The following C8orf34 variants were observed in gnomAD, a reference collection of about 807,000 sequenced individuals.
C8orf34 encodes uncharacterized protein C8orf34.
C8orf34 carries 65 observed loss-of-function variants against 68.3 expected under a neutral mutation model. The observed-to-expected ratio is 0.95, with a 90% CI of 0.78 to 1.17. The LOEUF (loss-of-function observed/expected upper bound fraction) is 1.17. Among genes scored for constraint, C8orf34 ranks in the 50% most tolerant of loss-of-function variants. The pLI is 0.00. For missense variants in C8orf34, 664 were observed against 655.4 expected, an observed-to-expected ratio of 1.01 and a Z score of -0.14; for synonymous variants, 244 against 241.2, an observed-to-expected ratio of 1.01 and a Z score of -0.11.
intron 5 of C8orf34, among the ~76,000 whole-genome samples, chr8:68,492,616 C>T (rs1252165385): frequency 6.6e-6 from 1 of 152,042 alleles, no homozygotes; most frequent in East Asian, 1.9e-4. Flanking sequence ...TCCATCCAAA[C>T]TGTATTGCAC....
At chr8:68,774,969 T>TAAAAAAAAAAAAAAAAAAAAAAAAAA (rs1823469561) in intron 10 of C8orf34, among the ~76,000 whole-genome samples, 1 of 68,964 alleles carries the variant, frequency 1.5e-5, no homozygotes, top group Admixed American at 1.2e-4. Flanking sequence ...AAAAAAAAAT[T>TAAAAAAAAAAAAAAAAAAAAAAAAAA]AGCTGGGCGG....
intron 10 of C8orf34, among the ~76,000 whole-genome samples, chr8:68,750,446 A>C (rs994164851): frequency 5.9e-5 from 9 of 152,166 alleles, no homozygotes; most frequent in Non-Finnish European, 1.2e-4. Context: ...TCTAGGGGCC[A>C]GGGAGGAAAG....
intron 1 of C8orf34, among the ~76,000 whole-genome samples, chr8:68,354,098 T>A (rs1806640322): frequency 6.6e-6 from 1 of 151,992 alleles, no homozygotes; most frequent in East Asian, 1.9e-4. Context: ...GAGAGAGGAG[T>A]AGTCAGAGGG....
intron 6 of C8orf34, among the ~76,000 whole-genome samples, 164 bp downstream of exon 6, chr8:68,522,135 A>C (rs1010017500): frequency 8.5e-5 from 13 of 152,212 alleles, no homozygotes; most frequent in Admixed American, 2.0e-4. Context: ...GTCTCTTAAA[A>C]TGAGAGTTTC....
chr8:68,448,021 C>T (rs1161254185), intron 3 of C8orf34: 1 of 152,126 alleles, frequency 6.6e-6, no homozygotes, highest in Non-Finnish European at 1.5e-5. Context: ...AATAAAGTCT[C>T]AGTATCCCTT....
At chr8:68,794,279 C>T (rs1453374366) in intron 12 of C8orf34, among the ~76,000 whole-genome samples, 3 of 151,178 alleles carry the variant, frequency 2.0e-5, no homozygotes, top group Non-Finnish European at 4.4e-5. Flanking sequence ...TCAAGCGATC[C>T]TCCCACCTCA....
intron 1 of C8orf34, among the ~76,000 whole-genome samples, chr8:68,408,229 G>C (rs1563413051): frequency 6.6e-6 from 1 of 151,508 alleles, no homozygotes; most frequent in East Asian, 1.9e-4. Context: ...CTGATGATCT[G>C]TCACTGTCTC....
intron 10 of C8orf34, among the ~76,000 whole-genome samples, chr8:68,767,924 A>AG (rs1823228071): frequency 6.6e-6 from 1 of 152,140 alleles, no homozygotes; most frequent in Non-Finnish European, 1.5e-5. Flanking sequence ...TTTATTTATT[A>AG]GGTGGAATAC....
chr8:68,803,180 C>CTTA (rs1824382863), intron 12 of C8orf34, among the ~76,000 whole-genome samples: 1 of 151,986 alleles, frequency 6.6e-6, no homozygotes, highest in South Asian at 2.1e-4. Flanking sequence ...CAATACATAA[C>CTTA]AGAAGAATTA....
intron 7 of C8orf34, among the ~76,000 whole-genome samples, chr8:68,538,189 TA>T (rs1278328309): frequency 6.6e-6 from 1 of 152,178 alleles, no homozygotes; most frequent in Non-Finnish European, 1.5e-5. Context: ...TAACATAGAA[TA>T]ATATATTTTT....
At chr8:68,658,249 G>A (rs1187934096) in intron 8 of C8orf34, among the ~76,000 whole-genome samples, 1 of 152,006 alleles carries the variant, frequency 6.6e-6, no homozygotes, top group East Asian at 1.9e-4. Context: ...TACTCCATGG[G>A]TAGTAAACTT....
intron 7 of C8orf34, among the ~76,000 whole-genome samples, chr8:68,564,776 A>G (rs572602816): frequency 2.4e-4 from 36 of 152,330 alleles, no homozygotes; most frequent in African/African-American, 8.4e-4. Context: ...GCTATAAAAT[A>G]TAAGCCAGAT....
chr8:68,714,705 C>A (rs559571234), intron 9 of C8orf34, among the ~76,000 whole-genome samples: 1 of 152,222 alleles, frequency 6.6e-6, no homozygotes, highest in Admixed American at 6.5e-5. Context: ...CTGCCAAAAG[C>A]AATCTACAAA....
intron 1 of C8orf34, among the ~76,000 whole-genome samples, chr8:68,382,845 G>A (rs779598142): frequency 2.8e-4 from 42 of 152,010 alleles, no homozygotes; most frequent in Admixed American, 5.9e-4. Flanking sequence ...ATTCTATTTG[G>A]CAATTCTGAA....
intron 10 of C8orf34, among the ~76,000 whole-genome samples, chr8:68,751,092 G>T (rs563144090): frequency 6.3e-4 from 96 of 152,240 alleles, no homozygotes; most frequent in Non-Finnish European, 1.2e-3. Flanking sequence ...TATTATCAAA[G>T]AAGGCAGAAG....
chr8:68,452,024 A>G (rs938283424), intron 3 of C8orf34, among the ~76,000 whole-genome samples: 13 of 152,084 alleles, frequency 8.5e-5, no homozygotes, highest in African/African-American at 3.1e-4. Flanking sequence ...TGGTTTATCT[A>G]CATTGTGGTG....
intron 1 of C8orf34, among the ~76,000 whole-genome samples, chr8:68,396,361 A>G (rs1808707248): frequency 6.6e-6 from 1 of 152,024 alleles, no homozygotes; most frequent in Non-Finnish European, 1.5e-5. Flanking sequence ...ATCTTGTACC[A>G]TATGTAGCAC....
intron 2 of C8orf34, among the ~76,000 whole-genome samples, chr8:68,440,556 G>A (rs1217426710): frequency 6.6e-6 from 1 of 152,106 alleles, no homozygotes; most frequent in South Asian, 2.1e-4. Context: ...CGTCATATAG[G>A]AAGTTAGAAT....
At chr8:68,634,341 T>C (rs1016343485) in intron 7 of C8orf34, among the ~76,000 whole-genome samples, 2 of 152,248 alleles carry the variant, frequency 1.3e-5, no homozygotes, top group Admixed American at 6.5e-5. Context: ...CATGCCAGAA[T>C]GGCATATTTT....
Sources: allele counts gnomAD v4.1 joint callset (sites outside exome capture counted in the v4.1 genomes callset), GRCh38; gene constraint gnomAD v4.1.1; transcripts MANE v1.5; gene names NCBI Gene and HGNC (gene_info 2026-07-23, HGNC 2026-07-21).